DYNC1H1: variants seen among roughly 807,000 people sequenced by gnomAD.
DYNC1H1 encodes cytoplasmic dynein 1 heavy chain 1.
DYNC1H1 carries 51 observed loss-of-function variants against 527.1 expected under a neutral mutation model. That is an observed-to-expected ratio of 0.10 (90% CI 0.08 to 0.12). The LOEUF is 0.12. Ranked by LOEUF, DYNC1H1 falls within the 10% of genes least tolerant of loss-of-function variation. DYNC1H1 has a pLI of 1.00. For synonymous variants in DYNC1H1, 2,189 were observed against 2,278.8 expected (o/e 0.96, Z 1.12); for missense variants, 2,771 against 5,971.8 (o/e 0.46, Z 17.66).
Position 102,050,633 on chromosome 14 carries a change from T to C in DYNC1H1, c.*70T>C, listed in dbSNP as rs1047475161. On this transcript the variant is annotated 3_prime_UTR_variant, in exon 78 of 78. Coordinates refer to ENST00000360184, the MANE Select transcript of DYNC1H1 (RefSeq NM_001376.5). ...AACATTTATTCATTTTTAAAATATT[T>C]GGAAGGTCTGAGCTTGTGAAAAGAA... 5 of 1,611,484 alleles carry C rather than the reference T, an allele frequency of 3.1e-6. No individual in the cohort carries two copies. Among genetic ancestry groups the C allele is most frequent in the Middle Eastern group, 3.3e-4 (2 of 6,024 alleles).
chr14:101,985,328 T>C lies in DYNC1H1; in HGVS notation c.1462-359T>C, dbSNP rs1194250531. Among the ~76,000 whole-genome samples, 2 of 152,176 alleles carry C rather than the reference T, an allele frequency of 1.3e-5. No homozygotes were observed. Among genetic ancestry groups the C allele is most frequent in the Non-Finnish European group, 2.9e-5 (2 of 68,034 alleles). The stretch of plus-strand genomic sequence containing the variant: ...CTCTTCTGAATTTATCTTTCATTCT[T>C]CTTTTTTGTTTTTTGAGATGGAGTC... On this transcript the variant is annotated intron_variant, in intron 7 of 77. Coordinates refer to ENST00000360184, the MANE Select transcript of DYNC1H1 (RefSeq NM_001376.5). This position sits in a 1 kb window ranked among gnomAD's most constrained non-coding sequence, Gnocchi z 5.9.
Position 102,022,816 on chromosome 14 carries a change from T to A in DYNC1H1, c.8573T>A (p.Phe2858Tyr). ...ENIDTVALKH[F>Y]PNIDREKAMS... is the part of the protein sequence containing the mutation. ...ATCGACACGGTTGCTCTGAAGCACT[T>A]CCCTAACATCGACAGAGAGAAGGCA... Residue 2858 changes from phenylalanine to tyrosine, a missense_variant, in exon 43 of 78, where the codon TTC becomes TAC. By Grantham distance (22) the Phe-to-Tyr change is conservative. This residue lies in a region of DYNC1H1 where 163 missense variants were observed against 346.9 expected (regional missense o/e 0.47). Transcript: ENST00000360184. 1 of 1,614,198 alleles carries A rather than the reference T, an allele frequency of 6.2e-7. No individual in the cohort carries two copies. The highest frequency in any genetic ancestry group is 8.5e-7 in the Non-Finnish European group (1 of 1,180,040).
In DYNC1H1 at chr14:102,005,874, C is replaced by T; in HGVS notation, c.5434-14C>T. The T allele has an allele frequency of 6.2e-7, 1 of 1,614,026 alleles. No homozygotes were observed. The highest frequency in any genetic ancestry group is 8.5e-7 in the Non-Finnish European group (1 of 1,179,990). ...TAGTGTAGATGAACTTTTAAAGTGA[C>T]TCTCTTTCTTCAGATTACAGAGTTG... On this transcript the variant is annotated splice_polypyrimidine_tract_variant and intron_variant, in intron 26 of 77. Transcript: ENST00000360184. The surrounding 1 kb of genome is among the most constrained non-coding windows in gnomAD (Gnocchi z 4.0).
Position 102,010,819 on chromosome 14 carries a change from C to T in DYNC1H1, c.6485C>T (p.Ser2162Leu), listed in dbSNP as rs751081074. The T allele has an allele frequency of 1.9e-6, 3 of 1,614,072 alleles. No homozygotes were observed. Among genetic ancestry groups the T allele is most frequent in the Admixed American group, 1.7e-5 (1 of 60,008 alleles). ...EDIPLLFSLL[S>L]DVFPGVQYHR... ...ATCCCGCTGCTCTTCAGCCTCCTGT[C>T]GGACGTGTTCCCTGGAGTCCAGTAT... Residue 2162 changes from serine to leucine, a missense_variant, in exon 32 of 78, where the codon TCG (serine) becomes TTG (leucine). Coordinates refer to ENST00000360184, the MANE Select transcript of DYNC1H1 (RefSeq NM_001376.5). This position sits in a 1 kb window ranked among gnomAD's most constrained non-coding sequence, Gnocchi z 6.0.
At position 102,036,235 on chromosome 14, in the gene DYNC1H1, G is replaced by T. The variant is rs1444091229; in HGVS notation, c.10755-254G>T. 6 of 459,530 alleles carry T rather than the reference G, an allele frequency of 1.3e-5. No individual in the cohort carries two copies. The highest frequency in any genetic ancestry group is 8.3e-5 in the South Asian group (4 of 48,372). The allele number at this position is 459,530 out of a possible 1,614,324, so 28.5% of individuals were successfully genotyped here. On this transcript the variant is annotated intron_variant, in intron 56 of 77. Coordinates refer to ENST00000360184, the MANE Select transcript of DYNC1H1 (RefSeq NM_001376.5). The surrounding 1 kb of genome is among the most constrained non-coding windows in gnomAD (Gnocchi z 5.6). ...AGGATGATTGTCCCAGAAGGAAAAA[G>T]ATTTTTAACTATGGCCCTCTTGGTG...
chr14:102,034,182 C>A lies in DYNC1H1; in HGVS notation c.10620C>A (p.Asn3540Lys). 6.2e-7 allele frequency: 1 copy of A among 1,614,228 alleles called. No homozygotes were observed. Among genetic ancestry groups the A allele is most frequent in the Non-Finnish European group, 8.5e-7 (1 of 1,180,044 alleles). The change falls in exon 55 of 78, where the codon AAC becomes AAA. Residue 3540 changes from asparagine to lysine, a missense_variant. Around this residue, in one of 32 missense-constraint regions of DYNC1H1, gnomAD observed 283 missense variants for 737.6 expected, o/e 0.38. Coordinates refer to ENST00000360184, the MANE Select transcript of DYNC1H1 (RefSeq NM_001376.5). ...TTWSHHLQQA[N>K]IQFRTDIART... ...GGTCCCATCACCTACAGCAAGCCAA[C>A]ATCCAGGTGAGAATCACGGGGAGTT...
rs577880495 is a variant in DYNC1H1 at position 102,044,725 on chromosome 14, G to A, written c.13006+27G>A. 36 of 1,608,716 alleles carry A rather than the reference G, an allele frequency of 2.2e-5. No homozygotes were observed. The highest frequency in any genetic ancestry group is 1.2e-4 in the South Asian group (11 of 90,956). ...TAGGCAACAAGGATCCTCCCCACAC[G>A]CAGGGTGGGTGGCGAGGGTCCCCTC... On this transcript the variant is annotated intron_variant, in intron 72 of 77. Coordinates refer to ENST00000360184, the MANE Select transcript of DYNC1H1 (RefSeq NM_001376.5). The surrounding 1 kb of genome is among the most constrained non-coding windows in gnomAD (Gnocchi z 7.1).
In DYNC1H1 at chr14:102,020,313, C is replaced by T. The variant is rs1003841498; in HGVS notation, c.8507+257C>T. On this transcript the variant is annotated intron_variant, in intron 42 of 77. Coordinates refer to ENST00000360184, the MANE Select transcript of DYNC1H1 (RefSeq NM_001376.5). This position sits in a 1 kb window ranked among gnomAD's most constrained non-coding sequence, Gnocchi z 4.3. The stretch of plus-strand genomic sequence containing the variant: ...GCTTACACAAGGCACTTTCATAAAC[C>T]TTGTGGCTGTGAACAGGGTACTTTT... 1.3e-5 allele frequency among the ~76,000 whole-genome samples: 2 copies of T among 152,162 alleles called. No individual in the cohort carries two copies. The highest frequency in any genetic ancestry group is 2.9e-5 in the Non-Finnish European group (2 of 68,024).
Position 102,033,787 on chromosome 14 carries a change from A to T in DYNC1H1, c.10414-189A>T. On this transcript the variant is annotated intron_variant, in intron 54 of 77. Coordinates refer to ENST00000360184, the MANE Select transcript of DYNC1H1 (RefSeq NM_001376.5). This position sits in a 1 kb window ranked among gnomAD's most constrained non-coding sequence, Gnocchi z 5.6. Reference sequence around the variant, plus strand: ...CGTACCCAGCTTCTGCCCCGCTGAGATTCTGAGTCGTGTGTGGTCATTAGT... The same window carrying T: ...CGTACCCAGCTTCTGCCCCGCTGAGTTTCTGAGTCGTGTGTGGTCATTAGT... The T allele has an allele frequency of 1.4e-6, 1 of 720,676 alleles. No homozygotes were observed. Among genetic ancestry groups the T allele is most frequent in the Non-Finnish European group, 2.3e-6 (1 of 428,394 alleles). The allele number at this position is 720,676 out of a possible 1,614,324, so 44.6% of individuals were successfully genotyped here. A position where few individuals can be genotyped will look rare whatever the true frequency, so the allele number is the denominator to read the frequency against.
Position 102,044,828 on chromosome 14 carries a change from G to T in DYNC1H1, c.13006+130G>T. 1 of 1,098,604 alleles carries T rather than the reference G, an allele frequency of 9.1e-7. No individual in the cohort carries two copies. The highest frequency in any genetic ancestry group is 1.5e-5 in the African/African-American group (1 of 64,702). 68.1% of individuals were successfully genotyped at this position (1,098,604 alleles called of 1,614,324 possible). ...TCCCAGGGCCCTCCCTGGTTATGCT[G>T]GGTGTGGCTCTGTCAGCCTCGGCCT... On this transcript the variant is annotated intron_variant, in intron 72 of 77. Transcript: ENST00000360184. This position sits in a 1 kb window ranked among gnomAD's most constrained non-coding sequence, Gnocchi z 7.1.
At position 102,044,805 on chromosome 14, in the gene DYNC1H1, C is replaced by A; in HGVS notation, c.13006+107C>A. On this transcript the variant is annotated intron_variant, in intron 72 of 77. Transcript: ENST00000360184. The surrounding 1 kb of genome is among the most constrained non-coding windows in gnomAD (Gnocchi z 7.1). The stretch of plus-strand genomic sequence containing the variant: ...CGCAGGGTGAGTGTGCACTGCTGTC[C>A]CAGGGCCCTCCCTGGTTATGCTGGG... The A allele has an allele frequency of 3.9e-6, 5 of 1,296,652 alleles. No individual in the cohort carries two copies. Among genetic ancestry groups the A allele is most frequent in the Admixed American group, 3.7e-5 (2 of 53,760 alleles). 80.3% of individuals were successfully genotyped at this position (1,296,652 alleles called of 1,614,324 possible).
At chr14:102,047,152 AAC>A (rs2152599490) in intron 72 of DYNC1H1, among the ~76,000 whole-genome samples, 1 of 152,124 alleles carries the variant, frequency 6.6e-6, no homozygotes, top group Admixed American at 6.5e-5. Context: ...GGTCAGTTTT[AAC>A]AGTCATGTTC....
intron 41 of DYNC1H1, 117 bp from the exon 42 acceptor site, chr14:102,019,776 A>G: frequency 1.5e-6 from 2 of 1,338,928 alleles, no homozygotes; most frequent in Non-Finnish European, 2.1e-6. Context: ...TATCTTCTTA[A>G]ATATTTCAGG....
chr14:101,999,229 T>C (rs1440576303), intron 16 of DYNC1H1, among the ~76,000 whole-genome samples: 2 of 151,926 alleles, frequency 1.3e-5, no homozygotes, highest in African/African-American at 4.8e-5. Context: ...CAGGCTGGAG[T>C]GCAGTGACAT....
rs2048189625 is a variant in DYNC1H1, at chr14:102,005,712, TC to T, written c.5434-175del. Among the ~76,000 whole-genome samples the T allele has an allele frequency of 6.6e-6, 1 of 152,248 alleles. No individual in the cohort carries two copies. The highest frequency in any genetic ancestry group is 1.5e-5 in the Non-Finnish European group (1 of 68,046). ...CAGCTCTGGGTTCTGTGTAATACCA[TC>T]TCATGAGTAACATTTCTCTCATCTC... On this transcript the variant is annotated intron_variant, in intron 26 of 77. Transcript: ENST00000360184. This position sits in a 1 kb window ranked among gnomAD's most constrained non-coding sequence, Gnocchi z 4.0.
rs1330598948 is a variant in DYNC1H1, at chr14:102,007,125, G to T, written c.5817+17G>T. 1 of 1,613,066 alleles carries T rather than the reference G, an allele frequency of 6.2e-7. No homozygotes were observed. The highest frequency in any genetic ancestry group is 2.2e-5 in the East Asian group (1 of 44,870). ...GATTTCCAGGTGAGACACTTTATGG[G>T]ATCCACCTAAAATGTAATGCCCTGC... On this transcript the variant is annotated intron_variant, in intron 28 of 77. Coordinates refer to ENST00000360184, the MANE Select transcript of DYNC1H1 (RefSeq NM_001376.5).
intron 34 of DYNC1H1, 127 bp from the exon 35 acceptor site, chr14:102,014,978 G>A: frequency 9.2e-7 from 1 of 1,085,100 alleles, no homozygotes; most frequent in South Asian, 1.4e-5. Context: ...ACCATGCCTG[G>A]CTACTTTCTG....
chr14:102,050,857 C>T lies in DYNC1H1; in HGVS notation c.*294C>T. The T allele has an allele frequency of 4.9e-6, 2 of 412,222 alleles. No individual in the cohort carries two copies. The highest frequency in any genetic ancestry group is 4.3e-5 in the South Asian group (2 of 46,868). 25.5% of individuals were successfully genotyped at this position (412,222 alleles called of 1,614,324 possible). On this transcript the variant is annotated 3_prime_UTR_variant, in exon 78 of 78. Coordinates refer to ENST00000360184, the MANE Select transcript of DYNC1H1 (RefSeq NM_001376.5). ...CACAGAGCCTTGCCTTCCATGCTGC[C>T]CAGGGAGGGCAGCCCACGGCAGCCA... is the stretch of plus-strand genomic sequence containing the variant.
chr14:101,983,269 T>G lies in DYNC1H1; in HGVS notation c.1212T>G (p.Val404=). The G allele has an allele frequency of 2.5e-6, 4 of 1,614,272 alleles. No homozygotes were observed. Among genetic ancestry groups the G allele is most frequent in the Non-Finnish European group, 3.4e-6 (4 of 1,180,054 alleles). ...TGGGCACTAGGAAATTGATGCATGT[T>G]GCTTATGAAGAATTTGAAAAAGTAA... ...KVLGTRKLMH[V]AYEEFEKVMV... is the part of the protein sequence containing the mutation. The change falls in exon 6 of 78, where the codon GTT becomes GTG. Residue 404 remains valine, a synonymous_variant. Coordinates refer to ENST00000360184, the MANE Select transcript of DYNC1H1 (RefSeq NM_001376.5). The surrounding 1 kb of genome is among the most constrained non-coding windows in gnomAD (Gnocchi z 5.3).
Sources: gnomAD v4.1 joint callset for allele counts (sites outside exome capture counted in the v4.1 genomes callset) on GRCh38, gnomAD v4.1.1 for gene constraint, gnomAD v4.1.1 regional missense constraint, Gnocchi (gnomAD v3.1) non-coding constraint, MANE v1.5 for transcripts, NCBI Gene and HGNC (gene_info 2026-07-23, HGNC 2026-07-21) for gene names.